MEOX2: variants seen among roughly 807,000 people sequenced by gnomAD.
MEOX2 encodes mesenchyme homeobox 2.
Under a neutral mutation model 27.0 loss-of-function variants are expected in MEOX2, and 11 were observed. The ratio of observed to expected loss-of-function variants is 0.41; its 90% CI spans 0.26 to 0.68. MEOX2 has a LOEUF of 0.68. Ranked by LOEUF, MEOX2 falls within the 30% of genes least tolerant of loss-of-function variation. The pLI is 0.33. For missense variants in MEOX2, 436 were observed against 385.4 expected, an observed-to-expected ratio of 1.13 and a Z score of -1.10; for synonymous variants, 189 against 155.4, an observed-to-expected ratio of 1.22 and a Z score of -1.61.
At chr7:15,617,314 C>T (rs1051149414) in intron 2 of MEOX2, among the ~76,000 whole-genome samples, 2 of 151,884 alleles carry the variant, frequency 1.3e-5, no homozygotes, top group African/African-American at 4.8e-5. Context: ...TTATTTATAT[C>T]TTTGAGATGT....
chr7:15,684,674 C>T (rs1292303090), intron 1 of MEOX2, among the ~76,000 whole-genome samples: 1 of 152,132 alleles, frequency 6.6e-6, no homozygotes, highest in Non-Finnish European at 1.5e-5. Flanking sequence ...TTTTCCAATC[C>T]TTCAAACCAA....
intron 1 of MEOX2, among the ~76,000 whole-genome samples, chr7:15,673,479 A>T (rs1480854273): frequency 1.3e-5 from 2 of 151,890 alleles, no homozygotes; most frequent in African/African-American, 4.8e-5. Flanking sequence ...CATATAAAAC[A>T]GTGAAATCTG....
intron 1 of MEOX2, among the ~76,000 whole-genome samples, chr7:15,660,277 G>A (rs1781891565): frequency 1.3e-5 from 2 of 152,152 alleles, no homozygotes; most frequent in African/African-American, 4.8e-5. Flanking sequence ...GAACACCGGA[G>A]AATGGTAGAA....
chr7:15,677,403 C>T (rs571975602), intron 1 of MEOX2: 124 of 152,288 alleles, frequency 8.1e-4, no homozygotes, highest in African/African-American at 2.8e-3. Context: ...GGGGGTTTAG[C>T]CCTAACTATT....
chr7:15,652,517 C>T (rs931703441), intron 1 of MEOX2, among the ~76,000 whole-genome samples: 20 of 151,986 alleles, frequency 1.3e-4, no homozygotes, highest in Non-Finnish European at 4.4e-5. Context: ...TAAAGCATAT[C>T]ATGGCCCATT....
chr7:15,617,744 C>A (rs1781146312), intron 2 of MEOX2, among the ~76,000 whole-genome samples: 1 of 152,166 alleles, frequency 6.6e-6, no homozygotes, highest in South Asian at 2.1e-4. Flanking sequence ...CTGCCTCTCA[C>A]CTTTATCCAC....
intron 2 of MEOX2, among the ~76,000 whole-genome samples, chr7:15,619,297 G>C (rs564183151): frequency 2.6e-4 from 39 of 152,092 alleles, no homozygotes; most frequent in African/African-American, 7.5e-4. Context: ...AATGCTGGGA[G>C]TGATCTTTCA....
At chr7:15,677,925 G>T (rs1466247035) in intron 1 of MEOX2, among the ~76,000 whole-genome samples, 1 of 152,090 alleles carries the variant, frequency 6.6e-6, no homozygotes, top group Non-Finnish European at 1.5e-5. Flanking sequence ...CTAAACATCT[G>T]GGTATTCTAG....
chr7:15,669,794 T>C (rs557282798), intron 1 of MEOX2, among the ~76,000 whole-genome samples: 5 of 152,336 alleles, frequency 3.3e-5, no homozygotes, highest in Non-Finnish European at 7.4e-5. Flanking sequence ...CTCAGCTACC[T>C]GACTTGCGAT....
intron 2 of MEOX2, among the ~76,000 whole-genome samples, chr7:15,621,637 T>C (rs1339632484): frequency 6.6e-6 from 1 of 152,178 alleles, no homozygotes; most frequent in East Asian, 1.9e-4. Flanking sequence ...ATATGAGTCA[T>C]CATAAAATTT....
At chr7:15,680,715 T>G (rs373726998) in intron 1 of MEOX2, 1 of 151,966 alleles carries the variant, frequency 6.6e-6, no homozygotes, top group East Asian at 1.9e-4. Context: ...GTAAACCATA[T>G]TAACATCTAA....
At chr7:15,634,819 G>A (rs1781457322) in intron 1 of MEOX2, among the ~76,000 whole-genome samples, 1 of 151,922 alleles carries the variant, frequency 6.6e-6, no homozygotes, top group South Asian at 2.1e-4. Flanking sequence ...TTTTGTCAGT[G>A]CTAATTCACC....
chr7:15,668,225 G>T (rs1444944138), intron 1 of MEOX2: 2 of 152,152 alleles, frequency 1.3e-5, no homozygotes, highest in Non-Finnish European at 2.9e-5. Context: ...TGCTCCTTCT[G>T]CTCAGCCTGC....
chr7:15,653,889 A>G (rs1431058467), intron 1 of MEOX2, among the ~76,000 whole-genome samples: 7 of 151,986 alleles, frequency 4.6e-5, no homozygotes, highest in Non-Finnish European at 2.9e-5. Context: ...AAAATCGTTT[A>G]GCTATTCTAG....
intron 1 of MEOX2, among the ~76,000 whole-genome samples, chr7:15,657,650 T>G (rs1407802025): frequency 6.6e-6 from 1 of 152,240 alleles, no homozygotes; most frequent in Non-Finnish European, 1.5e-5. Flanking sequence ...GATTTTATGA[T>G]TATTGATTTA....
chr7:15,669,173 A>G (rs369021331), intron 1 of MEOX2, among the ~76,000 whole-genome samples: 14 of 152,208 alleles, frequency 9.2e-5, no homozygotes, highest in African/African-American at 2.4e-4. Context: ...ATGTCACTCA[A>G]TGAAAACTAC....
At chr7:15,615,580 T>G (rs892091564) in intron 2 of MEOX2, among the ~76,000 whole-genome samples, 1 of 152,110 alleles carries the variant, frequency 6.6e-6, no homozygotes, top group African/African-American at 2.4e-5. Context: ...TAATTACCTT[T>G]GCAAGCTTGA....
intron 1 of MEOX2, among the ~76,000 whole-genome samples, chr7:15,661,103 G>A (rs1004965558): frequency 1.3e-5 from 2 of 151,198 alleles, no homozygotes; most frequent in Non-Finnish European, 1.5e-5. Context: ...AATGTCACAG[G>A]TGAATAATAG....
chr7:15,622,271 AT>A (rs1781233102), intron 2 of MEOX2, among the ~76,000 whole-genome samples: 3 of 152,156 alleles, frequency 2.0e-5, no homozygotes, highest in Non-Finnish European at 4.4e-5. Flanking sequence ...ATACATATAT[AT>A]CTGTGTATAT....
Sources: allele counts gnomAD v4.1 joint callset (sites outside exome capture counted in the v4.1 genomes callset), GRCh38; gene constraint gnomAD v4.1.1; transcripts MANE v1.5; gene names NCBI Gene and HGNC (gene_info 2026-07-23, HGNC 2026-07-21).